The following TBC1D1 variants were observed in gnomAD, a reference collection of about 807,000 sequenced individuals.
TBC1D1 encodes the protein TBC1 (tre-2/USP6, BUB2, cdc16) domain family, member 1.
A neutral mutation model predicts 125.6 loss-of-function variants in TBC1D1; 89 were observed. The ratio of observed to expected loss-of-function variants is 0.71; its 90% CI spans 0.60 to 0.85. The LOEUF (loss-of-function observed/expected upper bound fraction) is 0.85. TBC1D1 is among the 40% of genes least tolerant of loss of function. TBC1D1 has a pLI of 0.00. For synonymous variants in TBC1D1, 565 were observed against 564.1 expected (o/e 1.00, Z -0.02); for missense variants, 1,377 against 1,469.2 (o/e 0.94, Z 1.03).
rs376797781 is a variant in TBC1D1 at position 38,035,701 on chromosome 4, A to G, written c.1413+3A>G. 4 of 1,604,598 alleles carry G rather than the reference A, an allele frequency of 2.5e-6. No homozygotes were observed. Among genetic ancestry groups the G allele is most frequent in the East Asian group, 4.5e-5 (2 of 44,698 alleles). On this transcript the variant is annotated splice_donor_region_variant and intron_variant, in intron 8 of 19. Transcript: ENST00000261439. ...TCCATATTGGGGAGATGAAGCAGGT[A>G]TGGCATTTTTGTCTCTTGTAATTGT...
At chr4:38,106,882 T>C (rs1001679203) in intron 15 of TBC1D1, among the ~76,000 whole-genome samples, 3 of 152,100 alleles carry the variant, frequency 2.0e-5, no homozygotes, top group Admixed American at 1.3e-4. Flanking sequence ...CAGCCTTCCT[T>C]GAGCTGGCAT....
chr4:37,914,685 T>C (rs1409815355), intron 2 of TBC1D1, among the ~76,000 whole-genome samples: 1 of 152,220 alleles, frequency 6.6e-6, no homozygotes, highest in African/African-American at 2.4e-5. Context: ...TAAAGTCCTG[T>C]ATCTTTGCTG....
intron 12 of TBC1D1, among the ~76,000 whole-genome samples, chr4:38,077,202 C>G (rs1315475309): frequency 6.6e-6 from 1 of 152,172 alleles, no homozygotes; most frequent in Non-Finnish European, 1.5e-5. Flanking sequence ...TACAACTATA[C>G]TGAGTGTGCA....
chr4:37,964,194 A>G (rs1174325303), intron 2 of TBC1D1, among the ~76,000 whole-genome samples: 1 of 152,208 alleles, frequency 6.6e-6, no homozygotes, highest in Non-Finnish European at 1.5e-5. Flanking sequence ...CTGCACACAC[A>G]TGGGCCAGGG....
chr4:37,998,928 C>T (rs1394554458), intron 2 of TBC1D1, among the ~76,000 whole-genome samples: 5 of 152,160 alleles, frequency 3.3e-5, no homozygotes, highest in Admixed American at 6.5e-5. Context: ...ACTTTCCCTA[C>T]GTCATATTAG....
chr4:38,043,316 G>C (rs999546884), intron 8 of TBC1D1, among the ~76,000 whole-genome samples: 2 of 151,672 alleles, frequency 1.3e-5, no homozygotes, highest in African/African-American at 2.4e-5. Flanking sequence ...ATGTACCTTC[G>C]GCTGGGTGTG....
chr4:38,014,867 G>C lies in TBC1D1; in HGVS notation c.776G>C (p.Gly259Ala). ...CAGGATGGGGGCCTCCGAAGCAGCG[G>C]CTTCTTCAGCTCCTTCGAGGAGAGC... Residue 259 changes from glycine (G) to alanine (A), a missense_variant, in exon 3 of 20, where the codon GGC (glycine) becomes GCC (alanine). Coordinates refer to ENST00000261439, the MANE Select transcript of TBC1D1 (RefSeq NM_015173.4). This position sits in a 1 kb window ranked among gnomAD's most constrained non-coding sequence, Gnocchi z 5.1. The C allele has an allele frequency of 6.2e-7, 1 of 1,611,272 alleles. No individual in the cohort carries two copies. Among genetic ancestry groups the C allele is most frequent in the Non-Finnish European group, 8.5e-7 (1 of 1,177,880 alleles).
intron 2 of TBC1D1, among the ~76,000 whole-genome samples, chr4:37,931,529 G>A (rs1723254090): frequency 6.6e-6 from 1 of 152,000 alleles, no homozygotes; most frequent in South Asian, 2.1e-4. Flanking sequence ...TCAGGCTAGA[G>A]TACAGTGGTG....
chr4:38,079,054 G>A (rs1307664422), intron 12 of TBC1D1, among the ~76,000 whole-genome samples: 2 of 152,106 alleles, frequency 1.3e-5, no homozygotes, highest in South Asian at 2.1e-4. Flanking sequence ...GGGTGTGACA[G>A]CCCGGAGTAC....
At chr4:37,983,121 CTTTTTTT>C (rs71190937) in intron 2 of TBC1D1, among the ~76,000 whole-genome samples, 4 of 116,604 alleles carry the variant, frequency 3.4e-5, no homozygotes, top group Non-Finnish European at 5.1e-5. Flanking sequence ...TCCCCAAACT[CTTTTTTT>C]TTTTTTTTTT....
chr4:38,078,441 G>T lies in TBC1D1; in HGVS notation c.2051-11491G>T, dbSNP rs538852487. 2.0e-4 allele frequency among the ~76,000 whole-genome samples: 30 copies of T among 152,270 alleles called. No homozygotes were observed. In the South Asian group the frequency reaches 5.6e-3, roughly 28 times the overall value. On this transcript the variant is annotated intron_variant, in intron 12 of 19. Coordinates refer to ENST00000261439, the MANE Select transcript of TBC1D1 (RefSeq NM_015173.4). Reference sequence around the variant, plus strand: ...TGGAATCAGATTTGCTCCTGCTATGGACTGAACATTTGTGTCCCCCCAAAA... The same window carrying T: ...TGGAATCAGATTTGCTCCTGCTATGTACTGAACATTTGTGTCCCCCCAAAA...
chr4:37,992,679 A>G (rs564972286), intron 2 of TBC1D1, among the ~76,000 whole-genome samples: 16 of 151,372 alleles, frequency 1.1e-4, no homozygotes, highest in Non-Finnish European at 7.4e-5. Flanking sequence ...TATTTTTAGT[A>G]GAGATGGGGT....
At chr4:38,115,321 C>A (rs60610248) in intron 15 of TBC1D1, among the ~76,000 whole-genome samples, 5 of 152,040 alleles carry the variant, frequency 3.3e-5, no homozygotes, top group Non-Finnish European at 7.4e-5. Context: ...AGGCTGGTCT[C>A]GAACTCCTGA....
chr4:37,992,051 C>T (rs979519144), intron 2 of TBC1D1, among the ~76,000 whole-genome samples: 1 of 152,220 alleles, frequency 6.6e-6, no homozygotes, highest in Non-Finnish European at 1.5e-5. Context: ...TTGAGTGGAG[C>T]CCCATTGGTG....
intron 19 of TBC1D1, among the ~76,000 whole-genome samples, chr4:38,136,544 T>C (rs1257343173): frequency 6.6e-6 from 1 of 152,212 alleles, no homozygotes; most frequent in Non-Finnish European, 1.5e-5. Context: ...ACTTAGGTTT[T>C]CTTGTTGGTT....
At chr4:37,971,476 A>G (rs1223260181) in intron 2 of TBC1D1, among the ~76,000 whole-genome samples, 1 of 152,166 alleles carries the variant, frequency 6.6e-6, no homozygotes, top group Non-Finnish European at 1.5e-5. Context: ...AGACTCATTC[A>G]CTACCATGAG....
intron 12 of TBC1D1, among the ~76,000 whole-genome samples, chr4:38,072,564 T>A (rs1423799332): frequency 6.6e-6 from 1 of 152,228 alleles, no homozygotes; most frequent in Non-Finnish European, 1.5e-5. Context: ...CCTGATTGGC[T>A]GGAGAGTCAG....
chr4:38,002,046 A>T (rs1350308130), intron 2 of TBC1D1, among the ~76,000 whole-genome samples: 2 of 152,150 alleles, frequency 1.3e-5, no homozygotes, highest in African/African-American at 4.8e-5. Flanking sequence ...AAAGTTTAAG[A>T]ATCTCTGCTT....
intron 2 of TBC1D1, among the ~76,000 whole-genome samples, chr4:37,919,154 G>T (rs1577849855): frequency 6.6e-6 from 1 of 150,636 alleles, no homozygotes; most frequent in South Asian, 2.1e-4. Flanking sequence ...ATAACTCAAA[G>T]AATTTTAAAG....
Sources: allele counts gnomAD v4.1 joint callset (sites outside exome capture counted in the v4.1 genomes callset), GRCh38; gene constraint gnomAD v4.1.1; non-coding constraint Gnocchi (gnomAD v3.1); transcripts MANE v1.5; gene names NCBI Gene and HGNC (gene_info 2026-07-23, HGNC 2026-07-21).